The following SLC35F1 variants were observed in gnomAD, a reference collection of about 807,000 sequenced individuals.
SLC35F1 encodes chromosome 6 open reading frame 169.
Under a neutral mutation model 48.7 loss-of-function variants are expected in SLC35F1, and 14 were observed. The ratio of observed to expected loss-of-function variants is 0.29; its 90% CI spans 0.19 to 0.45. The LOEUF is 0.45. SLC35F1 is among the 20% of genes least tolerant of loss of function. The pLI is 1.00. For synonymous variants in SLC35F1, 190 were observed against 202.2 expected (o/e 0.94, Z 0.51); for missense variants, 404 against 500.0 (o/e 0.81, Z 1.83).
rs1393612456 is a variant in SLC35F1, at chr6:118,236,417, C to T, written c.477+781C>T. ...ACCATTGCAAAGCTCTAGGATAAAA[C>T]ACAAAACAAAACATTGTTCTCATAT... On this transcript the variant is annotated intron_variant, in intron 3 of 7. Coordinates refer to ENST00000360388, the MANE Select transcript of SLC35F1 (RefSeq NM_001029858.4). Among the ~76,000 whole-genome samples, 9 of 152,252 alleles carry T rather than the reference C, an allele frequency of 5.9e-5. No homozygotes were observed. The South Asian group carries it at 1.9e-3, about 32-fold the overall frequency.
At chr6:118,184,385 C>G (rs1774626991) in intron 2 of SLC35F1, among the ~76,000 whole-genome samples, 1 of 152,156 alleles carries the variant, frequency 6.6e-6, no homozygotes, top group Admixed American at 6.6e-5. Flanking sequence ...GGAATCTCTC[C>G]CAGATACTCT....
At chr6:118,090,592 C>T (rs946508165) in intron 1 of SLC35F1, among the ~76,000 whole-genome samples, 1 of 152,008 alleles carries the variant, frequency 6.6e-6, no homozygotes, top group Non-Finnish European at 1.5e-5. Flanking sequence ...ATGGGCTTGC[C>T]ATAGTTGAAG....
At chr6:118,016,712 C>T (rs930294290) in intron 1 of SLC35F1, among the ~76,000 whole-genome samples, 1 of 152,170 alleles carries the variant, frequency 6.6e-6, no homozygotes, top group African/African-American at 2.4e-5. Context: ...ATTTGCTTAG[C>T]GCTTGAATTA....
rs540914945 is a variant in SLC35F1 at position 117,936,272 on chromosome 6, C to G, written c.173+28373C>G. The stretch of plus-strand genomic sequence containing the variant: ...CTGACAGTCCAAGTCCCTCCAAAGT[C>G]TACTGTCCTCACATGCTGTGTAGGT... On this transcript the variant is annotated intron_variant, in intron 1 of 7. Transcript: ENST00000360388. Among the ~76,000 whole-genome samples the G allele has an allele frequency of 3.3e-5, 5 of 152,312 alleles. No individual in the cohort carries two copies. In the East Asian group the frequency reaches 5.8e-4, roughly 18 times the overall value.
intron 2 of SLC35F1, among the ~76,000 whole-genome samples, chr6:118,175,497 C>T (rs1035619752): frequency 6.6e-6 from 1 of 152,092 alleles, no homozygotes; most frequent in African/African-American, 2.4e-5. Flanking sequence ...AACCAATTTA[C>T]CAAAATGCCA....
chr6:118,210,199 A>G (rs976956106), intron 2 of SLC35F1, among the ~76,000 whole-genome samples: 4 of 152,204 alleles, frequency 2.6e-5, no homozygotes, highest in Admixed American at 6.5e-5. Context: ...TCTCTGAGTG[A>G]GTAACCCTCC....
intron 1 of SLC35F1, among the ~76,000 whole-genome samples, chr6:117,983,029 A>G (rs1474163675): frequency 2.0e-5 from 3 of 152,324 alleles, no homozygotes; most frequent in South Asian, 2.1e-4. Flanking sequence ...AGGTGGTGAC[A>G]TTTAAATTTC....
At chr6:118,029,617 C>A (rs1435129848) in intron 1 of SLC35F1, among the ~76,000 whole-genome samples, 1 of 152,068 alleles carries the variant, frequency 6.6e-6, no homozygotes, top group Non-Finnish European at 1.5e-5. Flanking sequence ...ACATATTTCT[C>A]AAGGATAAGG....
At chr6:118,203,601 G>A (rs1308148443) in intron 2 of SLC35F1, among the ~76,000 whole-genome samples, 1 of 152,188 alleles carries the variant, frequency 6.6e-6, no homozygotes, top group Non-Finnish European at 1.5e-5. Flanking sequence ...CTTGCTCTTG[G>A]AGGGAAAGGA....
intron 7 of SLC35F1, among the ~76,000 whole-genome samples, chr6:118,309,500 C>A (rs1210377495): frequency 6.6e-6 from 1 of 152,154 alleles, no homozygotes; most frequent in Non-Finnish European, 1.5e-5. Context: ...CCACTTTGTG[C>A]CTCTCTAGGG....
intron 2 of SLC35F1, among the ~76,000 whole-genome samples, chr6:118,193,163 C>T (rs1236942128): frequency 1.3e-5 from 2 of 152,098 alleles, no homozygotes; most frequent in African/African-American, 4.8e-5. Flanking sequence ...CCACATTTCA[C>T]CCTTGCATTA....
chr6:118,162,069 C>T (rs914597515), intron 2 of SLC35F1, among the ~76,000 whole-genome samples: 6 of 152,182 alleles, frequency 3.9e-5, no homozygotes, highest in Non-Finnish European at 8.8e-5. Flanking sequence ...CATACAAATA[C>T]TCATTGCATC....
At chr6:118,043,078 G>A (rs1448197412) in intron 1 of SLC35F1, among the ~76,000 whole-genome samples, 1 of 152,178 alleles carries the variant, frequency 6.6e-6, no homozygotes, top group Non-Finnish European at 1.5e-5. Flanking sequence ...TATTTATAAA[G>A]ATGACTTATC....
chr6:118,201,848 G>T lies in SLC35F1; in HGVS notation c.350-33661G>T, dbSNP rs7772668. ...ATGTGCTTATTCTAGATATTAAATA[G>T]AAATGAAATCATATAATATGTGGTT... On this transcript the variant is annotated intron_variant, in intron 2 of 7. Transcript: ENST00000360388. Among the ~76,000 whole-genome samples, 288 of 152,256 alleles carry T rather than the reference G, an allele frequency of 1.9e-3. 2 individuals are homozygous for T. The highest frequency in any genetic ancestry group is 6.4e-3 in the African/African-American group (265 of 41,550).
chr6:118,028,783 G>A (rs1224150541), intron 1 of SLC35F1, among the ~76,000 whole-genome samples: 1 of 152,050 alleles, frequency 6.6e-6, no homozygotes, highest in African/African-American at 2.4e-5. Flanking sequence ...GGGAGTTTGG[G>A]ATGAAAATCC....
At chr6:117,908,720 A>C (rs879885761) in intron 1 of SLC35F1, among the ~76,000 whole-genome samples, 15 of 152,214 alleles carry the variant, frequency 9.9e-5, no homozygotes, top group Non-Finnish European at 2.1e-4. Flanking sequence ...CTGTGATGTG[A>C]AAGGGACTTT....
chr6:118,197,983 G>T (rs1237784735), intron 2 of SLC35F1, among the ~76,000 whole-genome samples: 1 of 152,130 alleles, frequency 6.6e-6, no homozygotes, highest in Non-Finnish European at 1.5e-5. Context: ...ACAGAGGAAA[G>T]AAAATTTTCT....
intron 1 of SLC35F1, among the ~76,000 whole-genome samples, chr6:118,099,061 G>A (rs1773219764): frequency 6.6e-6 from 1 of 152,206 alleles, no homozygotes; most frequent in African/African-American, 2.4e-5. Flanking sequence ...ACATGAAGGG[G>A]AATTCAGAAG....
At chr6:118,258,108 A>G (rs1775668559) in intron 3 of SLC35F1, among the ~76,000 whole-genome samples, 1 of 152,150 alleles carries the variant, frequency 6.6e-6, no homozygotes. Context: ...GAAAGAAGTA[A>G]CCTACTGGCC....
Sources: gnomAD v4.1 joint callset for allele counts (sites outside exome capture counted in the v4.1 genomes callset) on GRCh38, gnomAD v4.1.1 for gene constraint, MANE v1.5 for transcripts, NCBI Gene and HGNC (gene_info 2026-07-23, HGNC 2026-07-21) for gene names.